Variants in MARK2 observed in about 807,000 individuals in gnomAD.
The protein encoded by MARK2 is microtubule affinity regulating kinase 2.
Under a neutral mutation model 89.8 loss-of-function variants are expected in MARK2, and 16 were observed. The ratio of observed to expected loss-of-function variants is 0.18; its 90% CI spans 0.12 to 0.27. The LOEUF (loss-of-function observed/expected upper bound fraction) is 0.27, where lower values mean the gene tolerates loss of function less well. MARK2 is among the 10% of genes least tolerant of loss of function. The pLI, the probability that MARK2 is intolerant of heterozygous loss-of-function variation, is 1.00. For missense variants in MARK2, 621 were observed against 1,049.9 expected (o/e 0.59, Z 5.65); for synonymous variants, 382 against 399.5 (o/e 0.96, Z 0.52).
intron 1 of MARK2, chr11:63,889,079 T>A: frequency 1.4e-6 from 1 of 710,854 alleles, no homozygotes; most frequent in Non-Finnish European, 2.2e-6. Context: ...TCCAGCATAG[T>A]AATATTCATG....
At chr11:63,888,295 A>T (rs958772509) in intron 1 of MARK2, among the ~76,000 whole-genome samples, 1 of 152,170 alleles carries the variant, frequency 6.6e-6, no homozygotes, top group Non-Finnish European at 1.5e-5. Context: ...GGGTCAGCAC[A>T]TCTGAGTCAC....
intron 1 of MARK2, among the ~76,000 whole-genome samples, chr11:63,851,423 A>G (rs1187157173): frequency 2.0e-5 from 3 of 152,098 alleles, no homozygotes; most frequent in Admixed American, 2.0e-4. Flanking sequence ...CATCTCTAAA[A>G]AATTTTTTTA....
Position 63,895,210 on chromosome 11 carries a change from C to A in MARK2, c.106C>A (p.Arg36=). The A allele has an allele frequency of 6.2e-7, 1 of 1,614,140 alleles. No individual in the cohort carries two copies. ...SKPSSKSNMI[R]GRNSATSADE... is the part of the protein sequence containing the mutation. ...GCCCAGCAGTAAGTCCAACATGATT[C>A]GGGGCCGCAACTCAGCCACCTCTGC... The change falls in exon 2 of 19, where the codon CGG becomes AGG. Residue 36 remains arginine (R), a synonymous_variant. Transcript: ENST00000402010.
chr11:63,844,823 C>T (rs926974497), intron 1 of MARK2, among the ~76,000 whole-genome samples: 1 of 152,194 alleles, frequency 6.6e-6, no homozygotes, highest in Non-Finnish European at 1.5e-5. Flanking sequence ...TCAGGACTAA[C>T]CCAGGCCTTC....
intron 1 of MARK2, among the ~76,000 whole-genome samples, chr11:63,860,702 C>A (rs541090269): frequency 5.8e-4 from 88 of 151,724 alleles, no homozygotes; most frequent in Non-Finnish European, 6.9e-4. Flanking sequence ...ACTTAAAATA[C>A]AAAAAATTAG....
In MARK2 at chr11:63,870,281, C is replaced by T. The variant is rs145921142; in HGVS notation, c.55-24878C>T. On this transcript the variant is annotated intron_variant, in intron 1 of 18. Coordinates refer to ENST00000402010, the MANE Select transcript of MARK2 (RefSeq NM_001039469.3). ...GTGGAGACAGGGTCTTACAATATTG[C>T]CCAGGCTGGTCTCAAATCCTAGGCT... 1.4e-3 allele frequency among the ~76,000 whole-genome samples: 216 copies of T among 152,238 alleles called. 1 individual carries two copies. The highest frequency in any genetic ancestry group is 4.9e-3 in the African/African-American group (203 of 41,526).
chr11:63,853,811 TG>T (rs1466459521), intron 1 of MARK2, among the ~76,000 whole-genome samples: 1 of 152,206 alleles, frequency 6.6e-6, no homozygotes, highest in East Asian at 1.9e-4. Context: ...ATGTCTTGAA[TG>T]AAGGATTAAA....
chr11:63,910,270 A>ATAGCAGTG lies in MARK2; in HGVS notation c.*1034_*1041dup, dbSNP rs2134239742. The ATAGCAGTG allele has an allele frequency of 6.6e-6, 1 of 152,634 alleles. No individual in the cohort carries two copies. Among genetic ancestry groups the ATAGCAGTG allele is most frequent in the African/African-American group, 2.4e-5 (1 of 41,578 alleles). The allele number at this position is 152,634 out of a possible 1,614,324, so 9.5% of individuals were successfully genotyped here. A position where few individuals can be genotyped will look rare whatever the true frequency, so the allele number is the denominator to read the frequency against. ...ATTAATCTGGGCACCAGCTCTCTCC[A>ATAGCAGTG]TAGCAGTGACTTCCCTCACCACTCT... On this transcript the variant is annotated 3_prime_UTR_variant, in exon 19 of 19. Coordinates refer to ENST00000402010, the MANE Select transcript of MARK2 (RefSeq NM_001039469.3).
At chr11:63,861,711 G>T (rs1937793015) in intron 1 of MARK2, among the ~76,000 whole-genome samples, 1 of 145,060 alleles carries the variant, frequency 6.9e-6, no homozygotes. Context: ...CACTTGTTTA[G>T]TTGTTTTACA....
At chr11:63,908,684 C>G (rs1590720742) in intron 18 of MARK2, among the ~76,000 whole-genome samples, 193 bp from the exon 19 acceptor site, 1 of 152,318 alleles carries the variant, frequency 6.6e-6, no homozygotes, top group East Asian at 1.9e-4. Context: ...CTGGCTTCTC[C>G]TCCCCTTCGC....
chr11:63,856,325 T>G (rs535249565), intron 1 of MARK2, among the ~76,000 whole-genome samples: 33 of 149,842 alleles, frequency 2.2e-4, no homozygotes, highest in African/African-American at 4.1e-4. Flanking sequence ...TTTTTTGTTT[T>G]TTTTTTTTTT....
In MARK2 at chr11:63,904,607, C is replaced by G. The variant is rs1387047503; in HGVS notation, c.1677-179C>G. Among the ~76,000 whole-genome samples the G allele has an allele frequency of 6.6e-6, 1 of 152,118 alleles. No individual in the cohort carries two copies. Among genetic ancestry groups the G allele is most frequent in the African/African-American group, 2.4e-5 (1 of 41,414 alleles). On this transcript the variant is annotated intron_variant, in intron 15 of 18. Transcript: ENST00000402010. The surrounding 1 kb of genome is among the most constrained non-coding windows in gnomAD (Gnocchi z 6.3). Reference sequence around the variant, plus strand: ...TTCCCAAACCATCTCCTTCCACTTCCACGAGACTTCCTTCTCACCACTGTC... The same window carrying G: ...TTCCCAAACCATCTCCTTCCACTTCGACGAGACTTCCTTCTCACCACTGTC...
chr11:63,843,770 C>T (rs1264669619), intron 1 of MARK2, among the ~76,000 whole-genome samples: 3 of 152,084 alleles, frequency 2.0e-5, no homozygotes, highest in African/African-American at 4.8e-5. Context: ...GGACTACAGG[C>T]GCCCACCACC....
chr11:63,900,041 G>A lies in MARK2; in HGVS notation c.699G>A (p.Val233=), dbSNP rs1033071087. Residue 233 remains valine, a synonymous_variant, in exon 8 of 19, where the codon GTG becomes GTA. Transcript: ENST00000402010. This position sits in a 1 kb window ranked among gnomAD's most constrained non-coding sequence, Gnocchi z 4.7. The part of the protein sequence containing the change: ...GKKYDGPEVD[V]WSLGVILYTL... ...AATATGATGGACCCGAGGTGGATGTGTGGAGCCTAGGAGTTATCCTCTATA... is the reference window on the plus strand; with the variant it reads ...AATATGATGGACCCGAGGTGGATGTATGGAGCCTAGGAGTTATCCTCTATA... 1.2e-6 allele frequency: 2 copies of A among 1,614,234 alleles called. No homozygotes were observed. The highest frequency in any genetic ancestry group is 1.1e-5 in the South Asian group (1 of 91,084).
chr11:63,905,979 C>A, intron 16 of MARK2, 109 bp from the exon 17 acceptor site: 3 of 896,720 alleles, frequency 3.3e-6, no homozygotes, highest in Non-Finnish European at 4.5e-6. Flanking sequence ...AATGGGATGA[C>A]CCTTGAACCT....
At chr11:63,873,709 G>A (rs1229727915) in intron 1 of MARK2, among the ~76,000 whole-genome samples, 1 of 152,120 alleles carries the variant, frequency 6.6e-6, no homozygotes, top group Non-Finnish European at 1.5e-5. Context: ...GCAGTGGCGC[G>A]ATCTCGGCTC....
At chr11:63,845,706 A>G (rs2016243741) in intron 1 of MARK2, among the ~76,000 whole-genome samples, 2 of 152,122 alleles carry the variant, frequency 1.3e-5, no homozygotes, top group South Asian at 4.1e-4. Context: ...CCTTTTTGTT[A>G]TAGGCCATTG....
intron 17 of MARK2, among the ~76,000 whole-genome samples, chr11:63,907,286 C>T (rs1354485980): frequency 6.6e-6 from 1 of 152,182 alleles, no homozygotes; most frequent in Non-Finnish European, 1.5e-5. Context: ...GCTGCTGCCT[C>T]AAGGGGCCCC....
In MARK2 at chr11:63,903,102, C is replaced by T. The variant is rs527315677; in HGVS notation, c.1458C>T (p.Ser486=). 2.5e-5 allele frequency: 40 copies of T among 1,614,088 alleles called. No homozygotes were observed. The East Asian group carries it at 8.2e-4, about 33-fold the overall frequency. Residue 486 remains serine, a synonymous_variant, in exon 14 of 19, where the codon TCC becomes TCT. Transcript: ENST00000402010. This position sits in a 1 kb window ranked among gnomAD's most constrained non-coding sequence, Gnocchi z 5.1. ...CCAGCACAAATCGAAGCAGGAATTC[C>T]CCACTTTTGGAGCGGGCCAGCCTCG... is the stretch of plus-strand genomic sequence containing the variant. ...LSTSTNRSRN[S]PLLERASLGQ... is the part of the protein sequence containing the mutation.
Sources: gnomAD v4.1 joint callset for allele counts (sites outside exome capture counted in the v4.1 genomes callset) on GRCh38, gnomAD v4.1.1 for gene constraint, Gnocchi (gnomAD v3.1) non-coding constraint, MANE v1.5 for transcripts, NCBI Gene and HGNC (gene_info 2026-07-23, HGNC 2026-07-21) for gene names.